Variants in PARVB observed in about 807,000 individuals in gnomAD.
The protein encoded by PARVB is beta-parvin.
PARVB carries 46 observed loss-of-function variants against 47.0 expected under a neutral mutation model. The ratio of observed to expected loss-of-function variants is 0.98; its 90% CI spans 0.77 to 1.25. The LOEUF is 1.25. Ranked by LOEUF, PARVB falls within the 50% of genes most tolerant of loss-of-function variation. The probability of loss-of-function intolerance (pLI) is 0.00; values close to 1 mark genes in which losing one functional copy is unlikely to be tolerated. For missense variants in PARVB, 473 were observed against 471.6 expected, an observed-to-expected ratio of 1.00 and a Z score of -0.03; for synonymous variants, 196 against 196.3, an observed-to-expected ratio of 1.00 and a Z score of 0.01.
At chr22:44,017,530 G>A (rs913851902) in intron 2 of PARVB, among the ~76,000 whole-genome samples, 17 of 152,204 alleles carry the variant, frequency 1.1e-4, no homozygotes, top group Non-Finnish European at 4.4e-5. Flanking sequence ...AGTTCTGCTT[G>A]AAATGTGGGG....
chr22:44,052,253 G>A (rs1054738260), intron 1 of PARVB, among the ~76,000 whole-genome samples: 4 of 152,194 alleles, frequency 2.6e-5, no homozygotes, highest in Non-Finnish European at 4.4e-5. Flanking sequence ...GAATTAAGCT[G>A]GAAGTGCAAC....
intron 1 of PARVB, among the ~76,000 whole-genome samples, chr22:44,064,850 T>C (rs906732752): frequency 3.9e-5 from 6 of 152,178 alleles, no homozygotes; most frequent in Non-Finnish European, 8.8e-5. Context: ...TGAGACCCTG[T>C]CTAACAGCAA....
intron 1 of PARVB, among the ~76,000 whole-genome samples, chr22:44,088,864 C>T (rs2052094961): frequency 6.6e-6 from 1 of 152,172 alleles, no homozygotes; most frequent in South Asian, 2.1e-4. Flanking sequence ...GGTGCTCTCC[C>T]CCTTTCCAAT....
intron 2 of PARVB, among the ~76,000 whole-genome samples, chr22:44,001,684 T>C (rs967487645): frequency 6.6e-6 from 1 of 152,150 alleles, no homozygotes; most frequent in African/African-American, 2.4e-5. Flanking sequence ...AAAATTCCAG[T>C]TTTCACTTGA....
chr22:44,006,220 G>C (rs1160305820), intron 2 of PARVB, among the ~76,000 whole-genome samples: 1 of 152,058 alleles, frequency 6.6e-6, no homozygotes, highest in Non-Finnish European at 1.5e-5. Flanking sequence ...CAACCCTCTG[G>C]GATTACAGGC....
rs760135620 is a variant in PARVB, at chr22:44,103,313, T to C, written c.273+3190T>C. 2 of 152,212 alleles carry C rather than the reference T, an allele frequency of 1.3e-5. No homozygotes were observed. The highest frequency in any genetic ancestry group is 4.8e-5 in the African/African-American group (2 of 41,442). 9.4% of individuals were successfully genotyped at this position (152,212 alleles called of 1,614,324 possible). A position where few individuals can be genotyped will look rare whatever the true frequency, so the allele number is the denominator to read the frequency against. ...AAATGCCTCTCCCCGACTTCCCTGA[T>C]GTGGGCTTCTGAGACCATGGCTCAT... is the stretch of plus-strand genomic sequence containing the variant. On this transcript the variant is annotated intron_variant, in intron 3 of 12. Coordinates refer to ENST00000338758, the MANE Select transcript of PARVB (RefSeq NM_013327.5). The surrounding 1 kb of genome is among the most constrained non-coding windows in gnomAD (Gnocchi z 4.6).
exon 1 of PARVB, chr22:43,999,273 T>C: frequency 7.7e-7 from 1 of 1,291,170 alleles, no homozygotes; most frequent in South Asian, 1.4e-5. Context: ...AGAACTCATT[T>C]TAATTTCTGA....
At chr22:44,018,476 C>T (rs2050608929) in intron 2 of PARVB, among the ~76,000 whole-genome samples, 1 of 152,202 alleles carries the variant, frequency 6.6e-6, no homozygotes, top group Non-Finnish European at 1.5e-5. Flanking sequence ...ACATCCAAGG[C>T]AGGCCACATG....
chr22:44,100,124 G>A lies in PARVB; in HGVS notation c.273+1G>A, dbSNP rs2052407577. 1 of 1,612,132 alleles carries A rather than the reference G, an allele frequency of 6.2e-7. No individual in the cohort carries two copies. The highest frequency in any genetic ancestry group is 8.5e-7 in the Non-Finnish European group (1 of 1,178,182). The stretch of plus-strand genomic sequence containing the variant: ...CCCCAAGTTCAAGGAACTGGTCAAG[G>A]TAAGGAGCTCCGTCTTGGTTGGAAT... On this transcript the variant is annotated splice_donor_variant, in intron 3 of 12. Transcript: ENST00000338758. LOFTEE classifies it high-confidence loss of function.
intron 1 of PARVB, among the ~76,000 whole-genome samples, chr22:44,075,853 C>T (rs1453582612): frequency 2.0e-5 from 3 of 152,238 alleles, no homozygotes; most frequent in East Asian, 1.9e-4. Flanking sequence ...CCAGAGGATC[C>T]GCTGCTCTTG....
intron 1 of PARVB, among the ~76,000 whole-genome samples, chr22:44,058,001 A>G (rs1325561349): frequency 6.6e-6 from 1 of 152,140 alleles, no homozygotes; most frequent in African/African-American, 2.4e-5. Context: ...CTGGGAAGGG[A>G]CATAACTTCC....
chr22:44,140,019 G>T (rs1167416622), intron 7 of PARVB, 105 bp from the exon 8 acceptor site: 1 of 128,326 alleles, frequency 7.8e-6, no homozygotes, highest in Non-Finnish European at 1.2e-5. Context: ...GGCAGCGAGG[G>T]CCCAGCTTTC....
chr22:44,107,259 C>T (rs1413664114), intron 3 of PARVB: 1 of 152,262 alleles, frequency 6.6e-6, no homozygotes, highest in African/African-American at 2.4e-5. Context: ...ACCTGAATTA[C>T]TTATGGGTGA....
intron 11 of PARVB, 53 bp downstream of exon 11, chr22:44,158,136 T>G (rs923235100): frequency 1.6e-6 from 2 of 1,228,888 alleles, no homozygotes; most frequent in Admixed American, 3.4e-5. Context: ...CTCATTGAAA[T>G]GCAGAGCATA....
At chr22:44,105,680 G>A (rs2052550419) in intron 3 of PARVB, 1 of 152,268 alleles carries the variant, frequency 6.6e-6, no homozygotes, top group Admixed American at 6.5e-5. Context: ...TGCACATGCA[G>A]AGCTAATTCA....
At position 44,024,364 on chromosome 22, in the gene PARVB, A is replaced by G; in HGVS notation, c.25A>G (p.Thr9Ala). The change falls in exon 1 of 13, where the codon ACC becomes GCC. Residue 9 changes from threonine to alanine, a missense_variant. Thr to Ala is a moderately conservative substitution (Grantham distance 58). Coordinates refer to ENST00000338758, the MANE Select transcript of PARVB (RefSeq NM_013327.5). ...CATGTCCTCCGCGCCGCGCTCGCCC[A>G]CCCCGCGGCCCCGCAGGATGAAGAA... is the stretch of plus-strand genomic sequence containing the variant. MSSAPRSP[T>A]PRPRRMKKDE... 8.6e-7 allele frequency: 1 copy of G among 1,158,160 alleles called. No individual in the cohort carries two copies. Among genetic ancestry groups the G allele is most frequent in the South Asian group, 2.9e-5 (1 of 34,300 alleles). The allele number at this position is 1,158,160 out of a possible 1,614,324, so 71.7% of individuals were successfully genotyped here.
At chr22:44,122,502 G>GAGAGAGAC (rs2053072601) in intron 4 of PARVB, among the ~76,000 whole-genome samples, 2 of 90,676 alleles carry the variant, frequency 2.2e-5, no homozygotes, top group African/African-American at 1.6e-4. Flanking sequence ...GAGAGAGAGA[G>GAGAGAGAC]AGAGAGAGAG....
intron 4 of PARVB, among the ~76,000 whole-genome samples, chr22:44,123,922 C>T (rs2053129775): frequency 6.6e-6 from 1 of 152,260 alleles, no homozygotes; most frequent in South Asian, 2.1e-4. Context: ...GTGCCTGGCA[C>T]AGGTCTGTCG....
intron 8 of PARVB, chr22:44,143,905 T>C (rs935485796): frequency 2.1e-4 from 32 of 152,492 alleles, no homozygotes; most frequent in African/African-American, 7.7e-4. Flanking sequence ...CCCCTCATTG[T>C]AACTCCTAGT....
Sources: gnomAD v4.1 joint callset for allele counts (sites outside exome capture counted in the v4.1 genomes callset) on GRCh38, gnomAD v4.1.1 for gene constraint, Gnocchi (gnomAD v3.1) non-coding constraint, MANE v1.5 for transcripts, NCBI Gene and HGNC (gene_info 2026-07-23, HGNC 2026-07-21) for gene names.